EMC3: variants seen among roughly 807,000 people sequenced by gnomAD.
EMC3 encodes ER membrane protein complex subunit 3.
A neutral mutation model predicts 36.6 loss-of-function variants in EMC3; 13 were observed. That is an observed-to-expected ratio of 0.35 (90% CI 0.23 to 0.56). The LOEUF is 0.56. Among genes scored for constraint, EMC3 ranks in the 20% least tolerant of loss-of-function variants. EMC3 has a pLI of 0.84. For synonymous variants in EMC3, 120 were observed against 111.9 expected (o/e 1.07, Z -0.46); for missense variants, 220 against 324.5 (o/e 0.68, Z 2.47).
intron 4 of EMC3, among the ~76,000 whole-genome samples, chr3:9,974,107 A>T (rs186737210): frequency 1.3e-5 from 2 of 152,364 alleles, no homozygotes; most frequent in African/African-American, 4.8e-5. Context: ...TCAAAATAGA[A>T]ATACGCTTCC....
At chr3:9,989,901 A>G (rs913929233), upstream of EMC3, among the ~76,000 whole-genome samples, 1 of 150,022 alleles carries the variant, frequency 6.7e-6, no homozygotes, top group Non-Finnish European at 1.5e-5. Flanking sequence ...GAAGTGGAGC[A>G]TTCAGTTAAG....
chr3:9,979,290 G>C (rs960124043), intron 1 of EMC3, among the ~76,000 whole-genome samples: 5 of 152,176 alleles, frequency 3.3e-5, no homozygotes, highest in Admixed American at 1.3e-4. Flanking sequence ...ACAACATCCA[G>C]ATACATGATC....
intron 1 of EMC3, chr3:10,010,404 TA>T (rs769685446): frequency 2.1e-3 from 286 of 137,502 alleles, no homozygotes; most frequent in Admixed American, 2.3e-3. Context: ...GAGACTCGTC[TA>T]AAAAAAAAAA....
chr3:9,970,053 G>A (rs1249191536), intron 6 of EMC3, among the ~76,000 whole-genome samples: 2 of 152,206 alleles, frequency 1.3e-5, no homozygotes, highest in African/African-American at 2.4e-5. Context: ...ACAGCCACCA[G>A]TTATTGAGCA....
At chr3:9,996,889 A>G (rs1389491133) in intron 1 of EMC3, among the ~76,000 whole-genome samples, 1 of 152,214 alleles carries the variant, frequency 6.6e-6, no homozygotes, top group African/African-American at 2.4e-5. Flanking sequence ...ATTGCCTTAA[A>G]TCAGTAATAT....
chr3:9,969,957 T>C (rs1184581231), intron 6 of EMC3, among the ~76,000 whole-genome samples, 156 bp from the exon 7 acceptor site: 1 of 152,154 alleles, frequency 6.6e-6, no homozygotes, highest in Non-Finnish European at 1.5e-5. Flanking sequence ...GAAAGTCACT[T>C]TGTGTCTCCT....
At chr3:10,008,428 A>G (rs1239262041) in intron 1 of EMC3, 2 of 1,367,588 alleles carry the variant, frequency 1.5e-6, no homozygotes, top group Non-Finnish European at 2.0e-6. Context: ...AGGCCGGGCA[A>G]CCTTGGCTTG....
chr3:9,970,616 C>T lies in EMC3; in HGVS notation c.540G>A (p.Arg180=). 1 of 1,614,128 alleles carries T rather than the reference C, an allele frequency of 6.2e-7. No homozygotes were observed. Residue 180 remains arginine (R), a synonymous_variant, in exon 6 of 8, where the codon CGG becomes CGA. Transcript: ENST00000245046. The stretch of plus-strand genomic sequence containing the variant: ...GGCCCAGAATCAGAGAGTAAATGCT[C>T]CGAAGCCCAAATACATTGAGGAAGT... ...SWYFLNVFGL[R]SIYSLILGQD... is the part of the protein sequence containing the mutation.
upstream of EMC3, chr3:9,988,320 G>A: frequency 1.3e-6 from 1 of 785,914 alleles, no homozygotes. Context: ...CATCTTGTAA[G>A]TTCTTTTCTG....
intron 1 of EMC3, chr3:10,003,191 C>G: frequency 2.2e-6 from 1 of 456,716 alleles, no homozygotes; most frequent in South Asian, 1.5e-5. Context: ...GGCAGAGACC[C>G]AGAAATGTCC....
upstream of EMC3, chr3:9,987,691 C>G (rs969913886): frequency 5.6e-6 from 2 of 357,800 alleles, no homozygotes; most frequent in East Asian, 6.3e-5. Flanking sequence ...TACATTTACT[C>G]TTTCTGTGTA....
In EMC3 at chr3:9,994,301, T is replaced by G. The variant is rs139772031; in HGVS notation, c.-241-7399A>C. 8.5e-3 allele frequency: 8,597 copies of G among 1,014,734 alleles called. 55 individuals carry two copies. The highest frequency in any genetic ancestry group is 0.011 in the Non-Finnish European group (7,265 of 657,410). The allele number at this position is 1,014,734 out of a possible 1,614,324, so 62.9% of individuals were successfully genotyped here. A position where few individuals can be genotyped will look rare whatever the true frequency, so the allele number is the denominator to read the frequency against. On this transcript the variant is annotated intron_variant, in intron 1 of 8. Transcript: ENST00000470827. ...TCCTATACAAATAATGTGTTTATGTTTTTTGACACATACTGCCAGCAGGTA... is the reference window on the plus strand; with the variant it reads ...TCCTATACAAATAATGTGTTTATGTGTTTTGACACATACTGCCAGCAGGTA...
intron 1 of EMC3, chr3:9,992,890 T>C: frequency 1.3e-6 from 2 of 1,581,930 alleles, no homozygotes; most frequent in East Asian, 4.5e-5. Flanking sequence ...GTGATGCTTT[T>C]CATCATCTAT....
rs61596273 is a variant in EMC3, at chr3:9,963,477, A to ATATATATATTTTT, written c.*591_*592insAAAAATATATATA. ...TAGATATATATATATATATATATAT[A>ATATATATATTTTT]TTTTTTTTTTTTTTTCAGATGGAGT... On this transcript the variant is annotated 3_prime_UTR_variant, in exon 8 of 8. Transcript: ENST00000245046. 4 of 88,904 alleles carry ATATATATATTTTT rather than the reference A, an allele frequency of 4.5e-5. No homozygotes were observed. Among genetic ancestry groups the ATATATATATTTTT allele is most frequent in the Admixed American group, 1.3e-4 (1 of 7,872 alleles). 5.5% of individuals were successfully genotyped at this position (88,904 alleles called of 1,614,324 possible).
chr3:9,980,905 T>C (rs1575682529), intron 1 of EMC3, among the ~76,000 whole-genome samples: 1 of 152,176 alleles, frequency 6.6e-6, no homozygotes, highest in African/African-American at 2.4e-5. Context: ...CAAAAGGCCA[T>C]TGTTCACAGC....
intron 5 of EMC3, among the ~76,000 whole-genome samples, chr3:9,971,798 C>T: frequency 6.6e-6 from 1 of 152,216 alleles, no homozygotes; most frequent in East Asian, 1.9e-4. Context: ...GCTCCTCCCA[C>T]ACATCCTAGA....
chr3:9,985,693 A>C (rs557449873), intron 1 of EMC3, among the ~76,000 whole-genome samples: 1 of 152,276 alleles, frequency 6.6e-6, no homozygotes, highest in South Asian at 2.1e-4. Flanking sequence ...GTCGAGTTCG[A>C]GAACAGCCTG....
At chr3:9,990,483 C>T (rs1020832841), upstream of EMC3, among the ~76,000 whole-genome samples, 1 of 151,914 alleles carries the variant, frequency 6.6e-6, no homozygotes, top group Non-Finnish European at 1.5e-5. Flanking sequence ...TACAGGCAAG[C>T]ACCACCAGGC....
intron 3 of EMC3, among the ~76,000 whole-genome samples, chr3:9,975,063 G>A (rs1045583762): frequency 4.0e-5 from 6 of 151,474 alleles, no homozygotes; most frequent in African/African-American, 1.5e-4. Context: ...GTTTCACCAT[G>A]TCGGCCAGGC....
Sources: allele counts gnomAD v4.1 joint callset (sites outside exome capture counted in the v4.1 genomes callset), GRCh38; gene constraint gnomAD v4.1.1; transcripts MANE v1.5; gene names NCBI Gene and HGNC (gene_info 2026-07-23, HGNC 2026-07-21).